The following DTL variants were observed in gnomAD, a reference collection of about 807,000 sequenced individuals.
The protein encoded by DTL is denticleless E3 ubiquitin protein ligase adapter.
A neutral mutation model predicts 87.0 loss-of-function variants in DTL; 46 were observed. The observed-to-expected ratio is 0.53, with a 90% confidence interval of 0.42 to 0.68. The LOEUF is 0.68. Ranked by LOEUF, DTL falls within the 30% of genes least tolerant of loss-of-function variation. The pLI is 0.00. For missense variants in DTL, 737 were observed against 869.4 expected (o/e 0.85, Z 1.91); for synonymous variants, 308 against 311.2 (o/e 0.99, Z 0.11).
rs1479706034 is a variant in DTL at position 212,103,968 on chromosome 1, G to A, written c.*1028G>A. 6.6e-6 allele frequency: 1 copy of A among 152,170 alleles called. No individual in the cohort carries two copies. The highest frequency in any genetic ancestry group is 2.4e-5 in the African/African-American group (1 of 41,444). 9.4% of individuals were successfully genotyped at this position (152,170 alleles called of 1,614,324 possible). On this transcript the variant is annotated 3_prime_UTR_variant, in exon 15 of 15. Coordinates refer to ENST00000366991, the MANE Select transcript of DTL (RefSeq NM_016448.4). ...GTACATAAAAAGCAATAGCCTTTTAGTATAGATAGCCCTGAGCCAAAAAGT... is the reference window on the plus strand; with the variant it reads ...GTACATAAAAAGCAATAGCCTTTTAATATAGATAGCCCTGAGCCAAAAAGT...
chr1:212,062,062 C>T (rs1654343484), intron 5 of DTL, among the ~76,000 whole-genome samples: 1 of 152,192 alleles, frequency 6.6e-6, no homozygotes, highest in Admixed American at 6.5e-5. Context: ...GATACCCTGA[C>T]TTGATCATAA....
At position 212,080,704 on chromosome 1, in the gene DTL, G is replaced by T. The variant is rs141132068; in HGVS notation, c.1215G>T (p.Thr405=). ...AACCAGGAGGTGATAAACTTTCCAC[G>T]GTGGGTTGGGCCTCTCAGAAGAAAA... The part of the protein sequence containing the change: ...EEKPGGDKLS[T]VGWASQKKKE... Residue 405 remains threonine, a synonymous_variant, in exon 13 of 15, where the codon ACG becomes ACT. Coordinates refer to ENST00000366991, the MANE Select transcript of DTL (RefSeq NM_016448.4). 1.1e-5 allele frequency: 17 copies of T among 1,613,556 alleles called. No homozygotes were observed. The highest frequency in any genetic ancestry group is 1.4e-5 in the Non-Finnish European group (17 of 1,179,664).
chr1:212,089,831 G>GA (rs1429455739), intron 13 of DTL, among the ~76,000 whole-genome samples: 1 of 152,150 alleles, frequency 6.6e-6, no homozygotes, highest in African/African-American at 2.4e-5. Flanking sequence ...CAGAAACCTA[G>GA]ATACCTGGTT....
At chr1:212,066,130 C>A (rs996233960) in intron 7 of DTL, among the ~76,000 whole-genome samples, 6 of 152,032 alleles carry the variant, frequency 3.9e-5, no homozygotes, top group African/African-American at 1.5e-4. Context: ...AAAAATTGCC[C>A]TTTTTCTCAC....
At chr1:212,069,437 A>G (rs1173098788) in intron 10 of DTL, among the ~76,000 whole-genome samples, 2 of 152,170 alleles carry the variant, frequency 1.3e-5, no homozygotes, top group African/African-American at 4.8e-5. Context: ...TCCATAACCA[A>G]TCCTCAGAGT....
intron 5 of DTL, among the ~76,000 whole-genome samples, chr1:212,061,043 CAA>C (rs770548851): frequency 4.0e-5 from 6 of 151,896 alleles, no homozygotes; most frequent in Non-Finnish European, 5.9e-5. Flanking sequence ...GTAGAAAAGA[CAA>C]AATATTAAAA....
At chr1:212,076,553 A>C (rs1654836221) in intron 11 of DTL, among the ~76,000 whole-genome samples, 2 of 9,826 alleles carry the variant, frequency 2.0e-4, no homozygotes, top group African/African-American at 3.3e-4. Flanking sequence ...AATATCATGA[A>C]ATTAAAAAGC....
chr1:212,078,042 T>A, intron 11 of DTL, 131 bp from the exon 12 acceptor site: 1 of 505,790 alleles, frequency 2.0e-6, no homozygotes, highest in African/African-American at 2.0e-5. Context: ...TTTTCCTAAC[T>A]ATAGCTAGGC....
chr1:212,049,916 C>T (rs1407626711), intron 5 of DTL, among the ~76,000 whole-genome samples: 1 of 151,766 alleles, frequency 6.6e-6, no homozygotes, highest in African/African-American at 2.4e-5. Context: ...TATGGTGGCT[C>T]ATCCCTATAA....
At chr1:212,044,788 A>C (rs1229314602) in intron 3 of DTL, 30 bp downstream of exon 3, 2 of 1,397,586 alleles carry the variant, frequency 1.4e-6, no homozygotes, top group Non-Finnish European at 1.0e-6. Context: ...TTTTGTTTTA[A>C]CATTTAAAAA....
chr1:212,085,786 G>T (rs1655114297), intron 13 of DTL, among the ~76,000 whole-genome samples: 1 of 152,100 alleles, frequency 6.6e-6, no homozygotes, highest in Admixed American at 6.5e-5. Context: ...GATTCGTTTT[G>T]AGTTTATTTT....
At chr1:212,087,411 A>T (rs927410520) in intron 13 of DTL, among the ~76,000 whole-genome samples, 1 of 152,006 alleles carries the variant, frequency 6.6e-6, no homozygotes, top group African/African-American at 2.4e-5. Flanking sequence ...TTAGCCGGGC[A>T]TGGTGGCACA....
rs752802625 is a variant in DTL, at chr1:212,102,949, C to A, written c.*9C>A. ...ACTCAACAGAATTATAGATTCTAAT[C>A]TGAGTGAGTTACTGAGCTTTGGTCC... On this transcript the variant is annotated 3_prime_UTR_variant, in exon 15 of 15. Coordinates refer to ENST00000366991, the MANE Select transcript of DTL (RefSeq NM_016448.4). 43 of 1,509,764 alleles carry A rather than the reference C, an allele frequency of 2.8e-5. No homozygotes were observed. The highest frequency in any genetic ancestry group is 3.8e-5 in the Non-Finnish European group (41 of 1,090,774). The allele number at this position is 1,509,764 out of a possible 1,614,324, so 93.5% of individuals were successfully genotyped here.
At chr1:212,069,908 T>G (rs1654621269) in intron 10 of DTL, among the ~76,000 whole-genome samples, 1 of 152,134 alleles carries the variant, frequency 6.6e-6, no homozygotes, top group African/African-American at 2.4e-5. Flanking sequence ...GCAATCTTAT[T>G]AGGACTTTAG....
chr1:212,085,146 T>C (rs1273027687), intron 13 of DTL, among the ~76,000 whole-genome samples: 2 of 152,230 alleles, frequency 1.3e-5, no homozygotes, highest in Non-Finnish European at 1.5e-5. Flanking sequence ...TTTCAATTTG[T>C]AGTCAACTGA....
chr1:212,092,491 G>A (rs576423482), intron 13 of DTL, among the ~76,000 whole-genome samples: 19 of 151,898 alleles, frequency 1.3e-4, no homozygotes, highest in African/African-American at 3.6e-4. Flanking sequence ...AGCCAAGATC[G>A]TGCCACTGCA....
intron 5 of DTL, among the ~76,000 whole-genome samples, chr1:212,060,285 C>A (rs1363547420): frequency 9.2e-5 from 14 of 151,998 alleles, no homozygotes; most frequent in Non-Finnish European, 2.1e-4. Context: ...GACACAGAGA[C>A]CAATGGAACA....
intron 13 of DTL, among the ~76,000 whole-genome samples, chr1:212,083,693 A>G (rs1390988021): frequency 6.6e-6 from 1 of 152,222 alleles, no homozygotes; most frequent in African/African-American, 2.4e-5. Context: ...TTTAATCACC[A>G]TAAATTGACA....
intron 10 of DTL, among the ~76,000 whole-genome samples, chr1:212,069,047 G>A (rs1361987044): frequency 6.6e-6 from 1 of 152,046 alleles, no homozygotes; most frequent in African/African-American, 2.4e-5. Context: ...GGGGCTGCTG[G>A]TTAAAATTAG....
Sources: allele counts gnomAD v4.1 joint callset (sites outside exome capture counted in the v4.1 genomes callset), GRCh38; gene constraint gnomAD v4.1.1; transcripts MANE v1.5; gene names NCBI Gene and HGNC (gene_info 2026-07-23, HGNC 2026-07-21).